The following GLDN variants were observed in gnomAD, a reference collection of about 807,000 sequenced individuals.
GLDN encodes collomin.
Under a neutral mutation model 56.5 loss-of-function variants are expected in GLDN, and 47 were observed. The observed-to-expected ratio is 0.83, with a 90% CI of 0.66 to 1.06. The LOEUF (loss-of-function observed/expected upper bound fraction) is 1.06, where lower values mean the gene tolerates loss of function less well. GLDN is among the 50% of genes least tolerant of loss of function. The pLI, the probability that GLDN is intolerant of heterozygous loss-of-function variation, is 0.00. For synonymous variants in GLDN, 332 were observed against 278.8 expected, an observed-to-expected ratio of 1.19 and a Z score of -1.90; for missense variants, 782 against 714.3, an observed-to-expected ratio of 1.09 and a Z score of -1.08.
At chr15:51,395,618 C>T (rs543508645) in intron 5 of GLDN, among the ~76,000 whole-genome samples, 1 of 152,242 alleles carries the variant, frequency 6.6e-6, no homozygotes, top group East Asian at 1.9e-4. Flanking sequence ...GATGAGCTAA[C>T]TCTCTTACGT....
intron 4 of GLDN, 50 bp downstream of exon 4, chr15:51,383,942 A>C: frequency 7.4e-7 from 1 of 1,344,076 alleles, no homozygotes; most frequent in Non-Finnish European, 1.0e-6. Context: ...TATCTCCATG[A>C]TTGCATTTGG....
intron 5 of GLDN, among the ~76,000 whole-genome samples, chr15:51,397,069 AAGACCAGGTC>A (rs1229378720): frequency 3.9e-5 from 6 of 152,136 alleles, no homozygotes; most frequent in Non-Finnish European, 8.8e-5. Context: ...CCCAATTGAA[AAGACCAGGTC>A]AGAGCAGAGG....
intron 2 of GLDN, among the ~76,000 whole-genome samples, chr15:51,382,920 GC>G (rs2037798746): frequency 6.6e-6 from 1 of 152,048 alleles, no homozygotes; most frequent in Non-Finnish European, 1.5e-5. Context: ...CCTGATCTGG[GC>G]TCTCAATTTT....
intron 1 of GLDN, among the ~76,000 whole-genome samples, chr15:51,369,804 CA>C (rs2037478597): frequency 1.3e-5 from 2 of 152,190 alleles, no homozygotes; most frequent in African/African-American, 2.4e-5. Flanking sequence ...TGAATTCAGA[CA>C]ATTCCTTTTG....
chr15:51,397,493 C>T lies in GLDN; in HGVS notation c.712C>T (p.Pro238Ser), dbSNP rs375203691. Reference sequence around the variant, plus strand: ...AGGTGCCAAAGGTGACCAAGGCCCACCCGGTCCACCTGGGCCCCCAGGCCC... The same window carrying T: ...AGGTGCCAAAGGTGACCAAGGCCCATCCGGTCCACCTGGGCCCCCAGGCCC... ...LAGAKGDQGP[P>S]GPPGPPGPPG... is the part of the protein sequence containing the mutation. Residue 238 changes from proline (P) to serine (S), a missense_variant, in exon 6 of 10, where the codon CCC becomes TCC. Pro to Ser is a moderately conservative substitution (Grantham distance 74). Transcript: ENST00000335449. 63 of 1,562,270 alleles carry T rather than the reference C, an allele frequency of 4.0e-5. No homozygotes were observed. The highest frequency in any genetic ancestry group is 5.3e-5 in the Non-Finnish European group (61 of 1,152,590).
At chr15:51,380,299 T>C (rs916132191) in intron 2 of GLDN, among the ~76,000 whole-genome samples, 1 of 152,220 alleles carries the variant, frequency 6.6e-6, no homozygotes, top group African/African-American at 2.4e-5. Context: ...TGAAACCCTA[T>C]GCACCTGCAT....
chr15:51,382,822 A>G (rs1315366437), intron 2 of GLDN, among the ~76,000 whole-genome samples: 2 of 152,212 alleles, frequency 1.3e-5, no homozygotes, highest in Non-Finnish European at 1.5e-5. Flanking sequence ...AGAATAGTCG[A>G]CAATAAGACA....
intron 5 of GLDN, 29 bp from the exon 6 acceptor site, chr15:51,397,441 T>C: frequency 7.8e-7 from 1 of 1,282,746 alleles, no homozygotes; most frequent in Non-Finnish European, 1.0e-6. Context: ...CTTGCCTCCT[T>C]CTCTCCCTTT....
Position 51,383,857 on chromosome 15 carries a change from G to T in GLDN, c.506G>T (p.Gly169Val). ...DGQPGPQGPKGEKGANGKRGK... is the reference protein window; with the variant it reads ...DGQPGPQGPKVEKGANGKRGK... ...CAGCCTGGTCCTCAGGGCCCAAAAG[G>T]AGAAAAAGGAGCAAATGGAAAAAGA... is the stretch of plus-strand genomic sequence containing the variant. Residue 169 changes from glycine to valine, a missense_variant, in exon 4 of 10, where the codon GGA becomes GTA. By Grantham distance (109) the Gly-to-Val change is moderately radical (BLOSUM62 -3). Coordinates refer to ENST00000335449, the MANE Select transcript of GLDN (RefSeq NM_181789.4). 6.2e-7 allele frequency: 1 copy of T among 1,612,802 alleles called. No homozygotes were observed. The highest frequency in any genetic ancestry group is 8.5e-7 in the Non-Finnish European group (1 of 1,179,646).
chr15:51,370,887 A>G (rs11070846), intron 1 of GLDN, among the ~76,000 whole-genome samples: 66,262 of 151,924 alleles, frequency 0.44, 14,881 homozygotes, highest in East Asian at 0.57. Context: ...AGCTACTTGG[A>G]AGGCTGAGGC....
At chr15:51,364,985 T>C (rs2037371711) in intron 1 of GLDN, among the ~76,000 whole-genome samples, 1 of 152,204 alleles carries the variant, frequency 6.6e-6, no homozygotes, top group African/African-American at 2.4e-5. Flanking sequence ...AGCAGTCAAA[T>C]AAGAATTCAA....
chr15:51,386,523 G>T (rs996404398), intron 4 of GLDN, among the ~76,000 whole-genome samples: 6 of 152,214 alleles, frequency 3.9e-5, no homozygotes, highest in African/African-American at 1.4e-4. Context: ...GGGCAACAGG[G>T]TTCCTTCTGA....
intron 1 of GLDN, among the ~76,000 whole-genome samples, chr15:51,355,644 C>T (rs1261070820): frequency 6.6e-6 from 1 of 150,944 alleles, no homozygotes; most frequent in Non-Finnish European, 1.5e-5. Flanking sequence ...CTGCCTCAGC[C>T]TCCTGAGTAG....
At chr15:51,365,999 G>T (rs1354480575) in intron 1 of GLDN, among the ~76,000 whole-genome samples, 1 of 152,190 alleles carries the variant, frequency 6.6e-6, no homozygotes, top group Non-Finnish European at 1.5e-5. Context: ...TAGGCAATTC[G>T]CTACCAAACA....
At chr15:51,403,934 A>C (rs2038311373) in intron 9 of GLDN, among the ~76,000 whole-genome samples, 1 of 152,166 alleles carries the variant, frequency 6.6e-6, no homozygotes, top group Non-Finnish European at 1.5e-5. Context: ...GGGGCATTTC[A>C]GGAGGTCAAC....
At chr15:51,343,518 T>C (rs2445769) in intron 1 of GLDN, among the ~76,000 whole-genome samples, 7,315 of 152,346 alleles carry the variant, frequency 0.048, 218 homozygotes, top group Non-Finnish European at 0.064. Context: ...AATTGCAACC[T>C]ATTCCGTCAC....
chr15:51,351,028 C>CT, intron 1 of GLDN: 1 of 185,116 alleles, frequency 5.4e-6, no homozygotes, highest in Non-Finnish European at 1.1e-5. Flanking sequence ...CGGCTCTTGT[C>CT]TTTTTTCTTT....
chr15:51,388,314 G>A (rs2037943745), intron 4 of GLDN, among the ~76,000 whole-genome samples: 1 of 151,812 alleles, frequency 6.6e-6, no homozygotes, highest in African/African-American at 2.4e-5. Flanking sequence ...CCCTGAAATC[G>A]ACCCACGGTG....
chr15:51,371,546 CT>C (rs1287548316), intron 1 of GLDN, among the ~76,000 whole-genome samples: 17 of 152,188 alleles, frequency 1.1e-4, no homozygotes, highest in African/African-American at 4.1e-4. Flanking sequence ...GAATAGTTCC[CT>C]TTTCAGAGAA....
Sources: gnomAD v4.1 joint callset for allele counts (sites outside exome capture counted in the v4.1 genomes callset) on GRCh38, gnomAD v4.1.1 for gene constraint, MANE v1.5 for transcripts, NCBI Gene and HGNC (gene_info 2026-07-23, HGNC 2026-07-21) for gene names.